The following XRCC4 variants were observed in gnomAD, a reference collection of about 807,000 sequenced individuals.
XRCC4 encodes the protein X-ray repair cross complementing 4, also known as DNA repair protein XRCC4.
In XRCC4, 28 loss-of-function variants were observed where a neutral mutation model predicts 39.1. The observed-to-expected ratio is 0.72, with a 90% confidence interval of 0.53 to 0.98. The LOEUF is 0.98. Among genes scored for constraint, XRCC4 ranks in the 50% least tolerant of loss-of-function variants. The pLI is 0.00. For missense variants in XRCC4, 350 were observed against 376.4 expected (o/e 0.93, Z 0.58); for synonymous variants, 123 against 126.4 (o/e 0.97, Z 0.18).
chr5:83,096,448 T>C (rs1236522008), intron 1 of XRCC4, among the ~76,000 whole-genome samples: 1 of 152,096 alleles, frequency 6.6e-6, no homozygotes, highest in Non-Finnish European at 1.5e-5. Context: ...GTGGTTTTGG[T>C]TGCAAAAGCC....
At chr5:83,254,551 A>AAT (rs1036808013) in intron 6 of XRCC4, among the ~76,000 whole-genome samples, 10 of 152,062 alleles carry the variant, frequency 6.6e-5, no homozygotes, top group African/African-American at 2.2e-4. Context: ...ATTGCACTCA[A>AAT]ATATATATAT....
chr5:83,151,735 A>G (rs373036074), intron 3 of XRCC4, among the ~76,000 whole-genome samples: 1 of 152,190 alleles, frequency 6.6e-6, no homozygotes, highest in African/African-American at 2.4e-5. Context: ...TATTCAACAA[A>G]TATATTTCTG....
chr5:83,238,815 A>T (rs545486368), intron 6 of XRCC4, among the ~76,000 whole-genome samples: 32 of 152,304 alleles, frequency 2.1e-4, no homozygotes, highest in African/African-American at 7.7e-4. Flanking sequence ...GTCACCAAAA[A>T]TATAAAAGTT....
chr5:83,344,542 T>C (rs1359901303), intron 7 of XRCC4, among the ~76,000 whole-genome samples: 1 of 151,162 alleles, frequency 6.6e-6, no homozygotes, highest in Admixed American at 6.6e-5. Context: ...AGTGTTAGGA[T>C]ACAAGTGTGA....
At chr5:83,277,548 T>G (rs987289141) in intron 7 of XRCC4, among the ~76,000 whole-genome samples, 4 of 152,222 alleles carry the variant, frequency 2.6e-5, no homozygotes, top group African/African-American at 9.6e-5. Context: ...ACCCGACCTA[T>G]TCCAACTGAT....
chr5:83,096,827 A>T (rs1481540228), intron 1 of XRCC4, among the ~76,000 whole-genome samples: 1 of 152,140 alleles, frequency 6.6e-6, no homozygotes, highest in Non-Finnish European at 1.5e-5. Flanking sequence ...ACTTACCCAT[A>T]ACAATCTGCT....
intron 6 of XRCC4, among the ~76,000 whole-genome samples, chr5:83,210,021 G>A (rs1216027101): frequency 6.6e-6 from 1 of 152,162 alleles, no homozygotes; most frequent in South Asian, 2.1e-4. Flanking sequence ...CTGAAAGGAA[G>A]TGTGATTATA....
intron 7 of XRCC4, among the ~76,000 whole-genome samples, chr5:83,342,766 A>T (rs1756801630): frequency 6.6e-6 from 1 of 152,166 alleles, no homozygotes; most frequent in Non-Finnish European, 1.5e-5. Context: ...AGAAATTTGT[A>T]GGCTACTTTT....
At chr5:83,169,542 G>T (rs577574249) in intron 3 of XRCC4, among the ~76,000 whole-genome samples, 1 of 152,278 alleles carries the variant, frequency 6.6e-6, no homozygotes, top group African/African-American at 2.4e-5. Context: ...AAATGGACAC[G>T]TTATGTCATG....
rs969641822 is a variant in XRCC4, at chr5:83,301,425, G to T, written c.893+42748G>T. ...CCTTCACCCACTTTTTGATGGGGTT[G>T]TTTTTTTCTTGTTAATTTGTTTGAG... On this transcript the variant is annotated intron_variant, in intron 7 of 7. Coordinates refer to ENST00000396027, the MANE Select transcript of XRCC4 (RefSeq NM_003401.5). 2.6e-5 allele frequency among the ~76,000 whole-genome samples: 4 copies of T among 152,078 alleles called. No individual in the cohort carries two copies. In the East Asian group the frequency reaches 5.8e-4, roughly 22 times the overall value.
intron 7 of XRCC4, among the ~76,000 whole-genome samples, chr5:83,281,169 C>A (rs957704311): frequency 5.9e-5 from 9 of 152,188 alleles, no homozygotes; most frequent in African/African-American, 2.2e-4. Context: ...ATTTACTAAA[C>A]CATATGACTT....
At chr5:83,125,615 G>C (rs948731737) in intron 3 of XRCC4, among the ~76,000 whole-genome samples, 1 of 152,088 alleles carries the variant, frequency 6.6e-6, no homozygotes, top group African/African-American at 2.4e-5. Context: ...TATTTTCTAT[G>C]CTGCCTCATG....
chr5:83,370,318 G>A, the XRCC4 span, among the ~76,000 whole-genome samples: 1 of 152,106 alleles, frequency 6.6e-6, no homozygotes, highest in Non-Finnish European at 1.5e-5. Context: ...TGTGACTTCT[G>A]TCTGTCATAG....
intron 6 of XRCC4, among the ~76,000 whole-genome samples, chr5:83,209,373 T>A (rs992711945): frequency 1.3e-5 from 2 of 152,076 alleles, no homozygotes; most frequent in Admixed American, 1.3e-4. Context: ...CCCAACCATA[T>A]CAGATATAAT....
chr5:83,180,269 A>G (rs1169088566), intron 3 of XRCC4, among the ~76,000 whole-genome samples: 1 of 152,170 alleles, frequency 6.6e-6, no homozygotes, highest in African/African-American at 2.4e-5. Flanking sequence ...ACTTCAGAAA[A>G]CAGATGATCA....
intron 3 of XRCC4, among the ~76,000 whole-genome samples, chr5:83,133,317 G>T (rs1414077622): frequency 6.6e-6 from 1 of 152,166 alleles, no homozygotes; most frequent in Non-Finnish European, 1.5e-5. Context: ...GTGCCTCCCA[G>T]TTAGGCTACT....
At chr5:83,217,299 G>C (rs1386044000) in intron 6 of XRCC4, among the ~76,000 whole-genome samples, 1 of 147,484 alleles carries the variant, frequency 6.8e-6, no homozygotes, top group Admixed American at 6.9e-5. Context: ...AGAGGTTGCA[G>C]TGAGCCAAGA....
chr5:83,211,697 C>T (rs952467759), intron 6 of XRCC4, among the ~76,000 whole-genome samples: 2 of 152,096 alleles, frequency 1.3e-5, no homozygotes, highest in Non-Finnish European at 2.9e-5. Context: ...TACTGGCTGA[C>T]GTCAAAACTG....
intron 6 of XRCC4, among the ~76,000 whole-genome samples, chr5:83,228,223 T>C (rs1312334605): frequency 6.6e-6 from 1 of 152,082 alleles, no homozygotes; most frequent in Admixed American, 6.6e-5. Flanking sequence ...ATAAATAACA[T>C]ATAACAATCT....
Sources: allele counts gnomAD v4.1 joint callset (sites outside exome capture counted in the v4.1 genomes callset), GRCh38; gene constraint gnomAD v4.1.1; transcripts MANE v1.5; gene names NCBI Gene and HGNC (gene_info 2026-07-23, HGNC 2026-07-21).